Variants in PEX26 observed in about 807,000 individuals in gnomAD.
PEX26 encodes the protein peroxisome assembly protein 26.
A neutral mutation model predicts 31.4 loss-of-function variants in PEX26; 18 were observed. That is an observed-to-expected ratio of 0.57 (90% CI 0.40 to 0.85). PEX26 has a LOEUF of 0.85. Ranked by LOEUF, PEX26 falls within the 40% of genes least tolerant of loss-of-function variation. The pLI is 0.00. For synonymous variants in PEX26, 176 were observed against 166.9 expected (o/e 1.05, Z -0.42); for missense variants, 377 against 383.9 (o/e 0.98, Z 0.15).
chr22:18,080,399 T>A (rs946443477), intron 2 of PEX26, among the ~76,000 whole-genome samples: 1 of 152,206 alleles, frequency 6.6e-6, no homozygotes, highest in African/African-American at 2.4e-5. Context: ...GCACAGTCTC[T>A]GCTCACTGCA....
In PEX26 at chr22:18,102,281, C is replaced by T. The variant is rs551291527; in HGVS notation, c.*14206C>T. The T allele has an allele frequency of 1.3e-5, 2 of 152,394 alleles. No homozygotes were observed. The highest frequency in any genetic ancestry group is 3.9e-4 in the East Asian group (2 of 5,184). The allele number at this position is 152,394 out of a possible 1,614,324, so 9.4% of individuals were successfully genotyped here. ...GGTTACTAAACACAAGAAGGTGTTT[C>T]AGGAGAAACACATCAAGCCATTTGT... On this transcript the variant is annotated 3_prime_UTR_variant, in exon 5 of 5. Coordinates refer to ENST00000399744, the MANE Select transcript of PEX26 (RefSeq NM_001127649.3).
intron 2 of PEX26, 29 bp downstream of exon 2, chr22:18,080,043 C>T (rs746014928): frequency 1.5e-5 from 25 of 1,613,092 alleles, no homozygotes; most frequent in Admixed American, 6.7e-5. Context: ...CTCATCAGAT[C>T]GGTTCAGAAA....
At position 18,080,903 on chromosome 22, in the gene PEX26, AC is replaced by A. The variant is rs570911512; in HGVS notation, c.371+892del. Among the ~76,000 whole-genome samples, 407 of 152,048 alleles carry A rather than the reference AC, an allele frequency of 2.7e-3. 1 individual carries two copies. Among genetic ancestry groups the A allele is most frequent in the Admixed American group, 5.2e-3 (80 of 15,252 alleles). ...TCCTCCTATCCCACCGTAACTTTGT[AC>A]CCATTGACGAACCTCTTCCCGTCTT... On this transcript the variant is annotated intron_variant, in intron 2 of 4. Coordinates refer to ENST00000399744, the MANE Select transcript of PEX26 (RefSeq NM_001127649.3).
intron 4 of PEX26, among the ~76,000 whole-genome samples, chr22:18,085,890 C>T (rs188539755): frequency 4.0e-4 from 61 of 151,526 alleles, no homozygotes; most frequent in Admixed American, 3.5e-3. Context: ...AAACAAAAAA[C>T]AAAAAAACTT....
rs1159212842 is a variant in PEX26 at position 18,088,506 on chromosome 22, T to C, written c.*431T>C. 6.3e-6 allele frequency: 2 copies of C among 319,420 alleles called. No individual in the cohort carries two copies. Among genetic ancestry groups the C allele is most frequent in the Non-Finnish European group, 1.2e-5 (2 of 160,860 alleles). 19.8% of individuals were successfully genotyped at this position (319,420 alleles called of 1,614,324 possible). On this transcript the variant is annotated 3_prime_UTR_variant, in exon 5 of 5. Transcript: ENST00000399744. The surrounding 1 kb of genome is among the most constrained non-coding windows in gnomAD (Gnocchi z 4.1). ...GAGAAACATACTTCTTTGCTGGGCA[T>C]GGTGACTCACGCCTGTAATCCCAGC...
chr22:18,078,613 G>T lies in PEX26; in HGVS notation c.230+7G>T. ...CAGAGGAACCCGCGGGCACGTACGT[G>T]CTGGGCTCGGAAATGAACCGATTTC... On this transcript the variant is annotated splice_region_variant and intron_variant, in intron 1 of 4. Coordinates refer to ENST00000399744, the MANE Select transcript of PEX26 (RefSeq NM_001127649.3). 1 of 1,596,284 alleles carries T rather than the reference G, an allele frequency of 6.3e-7. No homozygotes were observed.
chr22:18,079,749 C>G, intron 1 of PEX26, 125 bp from the exon 2 acceptor site: 1 of 1,111,270 alleles, frequency 9.0e-7, no homozygotes, highest in East Asian at 2.4e-5. Context: ...CATCTAAATA[C>G]TAACAGGGAT....
In PEX26 at chr22:18,093,597, A is replaced by G. The variant is rs895062258; in HGVS notation, c.*5522A>G. The G allele has an allele frequency of 3.2e-4, 48 of 152,182 alleles. No homozygotes were observed. Among genetic ancestry groups the G allele is most frequent in the African/African-American group, 1.1e-3 (47 of 41,516 alleles). 9.4% of individuals were successfully genotyped at this position (152,182 alleles called of 1,614,324 possible). On this transcript the variant is annotated 3_prime_UTR_variant, in exon 5 of 5. Transcript: ENST00000399744. ...AAAAACAAAAATAAACCTTTTAAAT[A>G]AAGTGGTTACATTCTAACTTTAACT...
rs772592472 is a variant in PEX26 at position 18,105,346 on chromosome 22, A to G, written c.*17271A>G. 8 of 152,172 alleles carry G rather than the reference A, an allele frequency of 5.3e-5. No individual in the cohort carries two copies. Among genetic ancestry groups the G allele is most frequent in the Non-Finnish European group, 7.4e-5 (5 of 68,024 alleles). The allele number at this position is 152,172 out of a possible 1,614,324, so 9.4% of individuals were successfully genotyped here. A position where few individuals can be genotyped will look rare whatever the true frequency, so the allele number is the denominator to read the frequency against. On this transcript the variant is annotated 3_prime_UTR_variant, in exon 5 of 5. Coordinates refer to ENST00000399744, the MANE Select transcript of PEX26 (RefSeq NM_001127649.3). ...ATCAGGAATGAGAGTTAATGTTTCT[A>G]TGTTTCTGATTCTTCATTTGTAAAA... is the stretch of plus-strand genomic sequence containing the variant.
Position 18,097,076 on chromosome 22 carries a change from A to G in PEX26, c.*9001A>G, listed in dbSNP as rs991184116. The stretch of plus-strand genomic sequence containing the variant: ...CAGAACTCGTGAGAACTGACTCACT[A>G]TCACAAGAACAACAGGGGAGAAACT... On this transcript the variant is annotated 3_prime_UTR_variant, in exon 5 of 5. Coordinates refer to ENST00000399744, the MANE Select transcript of PEX26 (RefSeq NM_001127649.3). The G allele has an allele frequency of 2.6e-5, 4 of 152,116 alleles. No homozygotes were observed. Among genetic ancestry groups the G allele is most frequent in the Non-Finnish European group, 5.9e-5 (4 of 68,032 alleles). 9.4% of individuals were successfully genotyped at this position (152,116 alleles called of 1,614,324 possible). A position where few individuals can be genotyped will look rare whatever the true frequency, so the allele number is the denominator to read the frequency against.
intron 1 of PEX26, 190 bp downstream of exon 1, chr22:18,078,796 A>G (rs1331884973): frequency 1.4e-6 from 1 of 712,168 alleles, no homozygotes; most frequent in Non-Finnish European, 2.5e-6. Context: ...CGTGTAACAA[A>G]AACTTAGTGG....
Position 18,098,767 on chromosome 22 carries a change from C to CATATAT in PEX26, c.*10698_*10703dup, listed in dbSNP as rs34765061. ...ACATGTGTATGTGTGCGTGTGTAGA[C>CATATAT]ATATATATATAATATATATACACAT... On this transcript the variant is annotated 3_prime_UTR_variant, in exon 5 of 5. Coordinates refer to ENST00000399744, the MANE Select transcript of PEX26 (RefSeq NM_001127649.3). The CATATAT allele has an allele frequency of 6.6e-6, 1 of 151,052 alleles. No individual in the cohort carries two copies. Among genetic ancestry groups the CATATAT allele is most frequent in the East Asian group, 1.9e-4 (1 of 5,182 alleles). 9.4% of individuals were successfully genotyped at this position (151,052 alleles called of 1,614,324 possible).
In PEX26 at chr22:18,080,360, C is replaced by T. The variant is rs142072200; in HGVS notation, c.371+346C>T. 1.6e-3 allele frequency among the ~76,000 whole-genome samples: 240 copies of T among 151,668 alleles called. 1 individual carries two copies. Among genetic ancestry groups the T allele is most frequent in the African/African-American group, 5.4e-3 (225 of 41,474 alleles). On this transcript the variant is annotated intron_variant, in intron 2 of 4. Transcript: ENST00000399744. ...TGTTTTGTTTTTTGAGACGGAGTCTCGCCCTGTCGCCCAGGTTGGAGTGCA... is the reference window on the plus strand; with the variant it reads ...TGTTTTGTTTTTTGAGACGGAGTCTTGCCCTGTCGCCCAGGTTGGAGTGCA...
In PEX26 at chr22:18,087,980, T is replaced by G. The variant is rs1165329248; in HGVS notation, c.823T>G (p.Ser275Ala). The change falls in exon 5 of 5, where the codon TCC becomes GCC. Residue 275 changes from serine (S) to alanine (A), a missense_variant. By Grantham distance (99) the Ser-to-Ala change is moderately conservative (BLOSUM62 1). Coordinates refer to ENST00000399744, the MANE Select transcript of PEX26 (RefSeq NM_001127649.3). ...CTCCCTCTGCCCTGCAGCTTCCCCT[T>G]CCTCCCTGCACTTCCTCTACAAGCT... ...LVVRFDPASP[S>A]SLHFLYKLAQ... The G allele has an allele frequency of 1.2e-6, 2 of 1,610,848 alleles. No homozygotes were observed. Among genetic ancestry groups the G allele is most frequent in the Non-Finnish European group, 1.7e-6 (2 of 1,177,366 alleles).
chr22:18,088,577 A>C lies in PEX26; in HGVS notation c.*502A>C, dbSNP rs906368844. 2 of 227,740 alleles carry C rather than the reference A, an allele frequency of 8.8e-6. No homozygotes were observed. The highest frequency in any genetic ancestry group is 1.8e-5 in the Non-Finnish European group (2 of 112,474). 14.1% of individuals were successfully genotyped at this position (227,740 alleles called of 1,614,324 possible). The stretch of plus-strand genomic sequence containing the variant: ...GTGGATCACTTGTGGCCAGGAGTTC[A>C]AAACCTGCCTGGCCAACATGGTGAA... On this transcript the variant is annotated 3_prime_UTR_variant, in exon 5 of 5. Coordinates refer to ENST00000399744, the MANE Select transcript of PEX26 (RefSeq NM_001127649.3). The surrounding 1 kb of genome is among the most constrained non-coding windows in gnomAD (Gnocchi z 4.1).
intron 3 of PEX26, among the ~76,000 whole-genome samples, chr22:18,084,786 G>T (rs891794412): frequency 6.7e-6 from 1 of 150,126 alleles, no homozygotes; most frequent in African/African-American, 2.5e-5. Flanking sequence ...GCAATGGCAC[G>T]ATCTTGGCTC....
In PEX26 at chr22:18,085,169, C is replaced by T. The variant is rs779828574; in HGVS notation, c.725C>T (p.Ser242Phe). 13 of 1,614,036 alleles carry T rather than the reference C, an allele frequency of 8.1e-6. No individual in the cohort carries two copies. Among genetic ancestry groups the T allele is most frequent in the East Asian group, 2.2e-5 (1 of 44,886 alleles). The change falls in exon 4 of 5, where the codon TCT (serine) becomes TTT (phenylalanine). Residue 242 changes from serine (S) to phenylalanine (F), a missense_variant. By Grantham distance (155) the Ser-to-Phe change is radical (BLOSUM62 -2). Transcript: ENST00000399744. ...LPMLVRQLWD[S>F]AVSHFFSLPF... ...ATGTTGGTTCGCCAGCTTTGGGACT[C>T]TGCGGTGAGCCACTTCTTTTCTCTG...
chr22:18,084,165 C>T (rs773814427), intron 3 of PEX26, among the ~76,000 whole-genome samples: 1 of 152,100 alleles, frequency 6.6e-6, no homozygotes, highest in Non-Finnish European at 1.5e-5. Context: ...GAATCTTTTC[C>T]GCCCTTTTCC....
chr22:18,088,646 C>T lies in PEX26; in HGVS notation c.*571C>T, dbSNP rs939209434. On this transcript the variant is annotated 3_prime_UTR_variant, in exon 5 of 5. Transcript: ENST00000399744. This position sits in a 1 kb window ranked among gnomAD's most constrained non-coding sequence, Gnocchi z 4.1. ...ATACAAAAATTAGCTAGATGTGGTG[C>T]ACGCCTATAGTCCTAGCTACTTGGG... is the stretch of plus-strand genomic sequence containing the variant. 4.8e-6 allele frequency: 1 copy of T among 209,368 alleles called. No individual in the cohort carries two copies. The highest frequency in any genetic ancestry group is 9.8e-6 in the Non-Finnish European group (1 of 101,996). 13.0% of individuals were successfully genotyped at this position (209,368 alleles called of 1,614,324 possible). A position where few individuals can be genotyped will look rare whatever the true frequency, so the allele number is the denominator to read the frequency against.
Sources: allele counts gnomAD v4.1 joint callset (sites outside exome capture counted in the v4.1 genomes callset), GRCh38; gene constraint gnomAD v4.1.1; non-coding constraint Gnocchi (gnomAD v3.1); transcripts MANE v1.5; gene names NCBI Gene and HGNC (gene_info 2026-07-23, HGNC 2026-07-21).